Variants in RPL6 observed in about 807,000 individuals in gnomAD.
RPL6 encodes the protein large ribosomal subunit protein eL6.
Under a neutral mutation model 32.1 loss-of-function variants are expected in RPL6, and 1 was observed. The ratio of observed to expected loss-of-function variants is 0.03; its 90% CI spans 0.01 to 0.15. The LOEUF (loss-of-function observed/expected upper bound fraction) is 0.15, where lower values mean the gene tolerates loss of function less well. RPL6 is among the 10% of genes least tolerant of loss of function. RPL6 has a pLI of 1.00. For synonymous variants in RPL6, 126 were observed against 131.6 expected (o/e 0.96, Z 0.29); for missense variants, 275 against 354.6 (o/e 0.78, Z 1.80).
upstream of RPL6, among the ~76,000 whole-genome samples, chr12:112,413,333 G>A (rs1566147175): frequency 6.6e-6 from 1 of 152,022 alleles, no homozygotes; most frequent in South Asian, 2.1e-4. Context: ...TCAGGAGATC[G>A]AGACCATCCT....
At chr12:112,409,299 C>T (rs1463777147) in intron 1 of RPL6, 4 of 393,182 alleles carry the variant, frequency 1.0e-5, no homozygotes, top group Non-Finnish European at 1.3e-5. Flanking sequence ...CGCCGTCTCC[C>T]CGCTTCCTCT....
In RPL6 at chr12:112,406,028, A is replaced by G. The variant is rs2037153805; in HGVS notation, c.539T>C (p.Val180Ala). The change falls in exon 6 of 7, where the codon GTC (valine) becomes GCC (alanine). Residue 180 changes from valine to alanine, a missense_variant. Transcript: ENST00000202773. ...SGLLLVTGPL[V>A]LNRVPLRRTH... Reference sequence around the variant, plus strand: ...TCTTCGTAGAGGAACTCGATTGAGGACCAGAGGTCCTAAGGGGGAAAAATT... The same window carrying G: ...TCTTCGTAGAGGAACTCGATTGAGGGCCAGAGGTCCTAAGGGGGAAAAATT... 3 of 1,611,440 alleles carry G rather than the reference A, an allele frequency of 1.9e-6. No individual in the cohort carries two copies. The highest frequency in any genetic ancestry group is 2.5e-6 in the Non-Finnish European group (3 of 1,178,914).
At chr12:112,408,119 C>T (rs1056802924) in intron 3 of RPL6, 121 bp downstream of exon 3, 1 of 700,270 alleles carries the variant, frequency 1.4e-6, no homozygotes. Context: ...AACCCAGAGC[C>T]CTTTATTTTC....
chr12:112,408,733 A>C (rs2037262393), intron 1 of RPL6, 77 bp from the exon 2 acceptor site: 1 of 1,293,104 alleles, frequency 7.7e-7, no homozygotes, highest in African/African-American at 1.5e-5. Context: ...GAACCTGTAC[A>C]TGAATGGGCT....
Position 112,405,287 on chromosome 12 carries a change from C to T in RPL6, c.804G>A (p.Gln268=). The change falls in exon 7 of 7, where the codon CAG becomes CAA. Residue 268 remains glutamine (Q), a synonymous_variant. Transcript: ENST00000202773. Reference sequence around the variant, plus strand: ...GAGCAAACACAGATCGCAGGTAGCCCTGGAGCTGAGGAATAGCTTTGATTT... The same window carrying T: ...GAGCAAACACAGATCGCAGGTAGCCTTGGAGCTGAGGAATAGCTTTGATTT... The part of the protein sequence containing the change: ...LPKIKAIPQL[Q]GYLRSVFALT... 1 of 1,610,220 alleles carries T rather than the reference C, an allele frequency of 6.2e-7. No individual in the cohort carries two copies. Among genetic ancestry groups the T allele is most frequent in the Non-Finnish European group, 8.5e-7 (1 of 1,178,964 alleles).
At chr12:112,410,416 G>C (rs1013746646), upstream of RPL6, 5 of 208,144 alleles carry the variant, frequency 2.4e-5, no homozygotes, top group South Asian at 8.3e-5. Flanking sequence ...CTTAAAAAAA[G>C]TAAAAAAAAA....
intron 1 of RPL6, chr12:112,418,595 G>A (rs1212924472): frequency 2.0e-5 from 5 of 244,052 alleles, no homozygotes; most frequent in Non-Finnish European, 4.0e-5. Flanking sequence ...GAGGCTCGGA[G>A]ACAGTAGGTA....
chr12:112,409,215 G>C, intron 1 of RPL6: 1 of 368,316 alleles, frequency 2.7e-6, no homozygotes, highest in South Asian at 1.5e-4. Context: ...TTTGGCTTCA[G>C]TGCGGAACCC....
chr12:112,410,637 G>A (rs1421565691), upstream of RPL6, among the ~76,000 whole-genome samples: 1 of 126,186 alleles, frequency 7.9e-6, no homozygotes, highest in Non-Finnish European at 1.6e-5. Flanking sequence ...GTGGTGGCAC[G>A]ATCTTGGCTC....
At chr12:112,409,555 T>G in intron 1 of RPL6, 32 bp downstream of exon 1, 1 of 398,644 alleles carries the variant, frequency 2.5e-6, no homozygotes, top group South Asian at 1.3e-4. Context: ...AGTCCTGAAC[T>G]CAAGTCTTGC....
upstream of RPL6, among the ~76,000 whole-genome samples, chr12:112,409,906 A>C (rs1480438047): frequency 6.6e-6 from 1 of 150,840 alleles, no homozygotes; most frequent in Non-Finnish European, 1.5e-5. Context: ...CAGCCAGTCG[A>C]GGCGCGGAGG....
intron 1 of RPL6, among the ~76,000 whole-genome samples, chr12:112,417,807 G>A (rs1427420390): frequency 1.4e-5 from 2 of 144,008 alleles, no homozygotes; most frequent in Admixed American, 7.0e-5. Context: ...ACAGGCGCGC[G>A]CCACCACGCC....
At chr12:112,413,230 A>G (rs994434556), upstream of RPL6, among the ~76,000 whole-genome samples, 2 of 152,210 alleles carry the variant, frequency 1.3e-5, no homozygotes, top group African/African-American at 4.8e-5. Context: ...AAATGAATAT[A>G]TCTTTTTAAA....
upstream of RPL6, among the ~76,000 whole-genome samples, chr12:112,414,186 C>T (rs2037375518): frequency 6.6e-6 from 1 of 152,186 alleles, no homozygotes; most frequent in Admixed American, 6.5e-5. Flanking sequence ...CAGCTAGAAG[C>T]CTTTAGAAAC....
At chr12:112,417,560 C>CTT (rs1209085428) in intron 1 of RPL6, among the ~76,000 whole-genome samples, 1,292 of 75,084 alleles carry the variant, frequency 0.017, 304 homozygotes, top group African/African-American at 0.057. Context: ...CCCGGCCCGG[C>CTT]TTTTTTTTTT....
At chr12:112,408,852 AATACACT>A (rs1208631767) in intron 1 of RPL6, 196 bp from the exon 2 acceptor site, 25 of 553,062 alleles carry the variant, frequency 4.5e-5, no homozygotes, top group Non-Finnish European at 7.2e-5. Context: ...TTGTCTCCCC[AATACACT>A]ATAAACTTTT....
At chr12:112,408,678 T>G (rs777595714) in intron 1 of RPL6, 22 bp from the exon 2 acceptor site, 1 of 1,546,414 alleles carries the variant, frequency 6.5e-7, no homozygotes, top group South Asian at 1.2e-5. Context: ...TTTTTGTAGA[T>G]AAAAAAAGGC....
intron 1 of RPL6, among the ~76,000 whole-genome samples, chr12:112,416,784 T>C (rs1394244159): frequency 2.6e-5 from 4 of 152,236 alleles, no homozygotes; most frequent in African/African-American, 9.6e-5. Context: ...AGTTTAGGCC[T>C]GCAGGCCTGA....
chr12:112,408,856 CA>C, intron 1 of RPL6, 200 bp from the exon 2 acceptor site: 1 of 540,934 alleles, frequency 1.8e-6, no homozygotes, highest in Non-Finnish European at 3.2e-6. Flanking sequence ...CTCCCCAATA[CA>C]CTATAAACTT....
Sources: allele counts gnomAD v4.1 joint callset (sites outside exome capture counted in the v4.1 genomes callset), GRCh38; gene constraint gnomAD v4.1.1; transcripts MANE v1.5; gene names NCBI Gene and HGNC (gene_info 2026-07-23, HGNC 2026-07-21).